TMTC4: variants seen among roughly 807,000 people sequenced by gnomAD.
TMTC4 encodes the protein protein O-mannosyl-transferase TMTC4.
Under a neutral mutation model 86.0 loss-of-function variants are expected in TMTC4, and 65 were observed. That is an observed-to-expected ratio of 0.76 (90% confidence interval 0.62 to 0.93). TMTC4 has a LOEUF of 0.93. Among genes scored for constraint, TMTC4 ranks in the 40% least tolerant of loss-of-function variants. TMTC4 has a pLI of 0.00. For missense variants in TMTC4, 866 were observed against 948.1 expected, an observed-to-expected ratio of 0.91 and a Z score of 1.14; for synonymous variants, 379 against 382.5, an observed-to-expected ratio of 0.99 and a Z score of 0.11.
chr13:100,661,210 C>T (rs561886705), intron 5 of TMTC4, among the ~76,000 whole-genome samples: 18 of 152,206 alleles, frequency 1.2e-4, no homozygotes, highest in African/African-American at 4.3e-4. Context: ...TCCTTTTAAC[C>T]ATCTGGAATG....
In TMTC4 at chr13:100,664,286, C is replaced by G. The variant is rs762152104; in HGVS notation, c.270G>C (p.Trp90Cys). 3.2e-5 allele frequency: 52 copies of G among 1,612,122 alleles called. No homozygotes were observed. Among genetic ancestry groups the G allele is most frequent in the Non-Finnish European group, 4.3e-5 (51 of 1,179,150 alleles). ...PLGDLWHHDF[W>C]GSRLSSNTSH... is the part of the protein sequence containing the mutation. ...TGGTGTTGCTGCTCAGTCTACTGCCCCAGAAGTCATGATGCCACAGGTCCC... is the reference window on the plus strand; with the variant it reads ...TGGTGTTGCTGCTCAGTCTACTGCCGCAGAAGTCATGATGCCACAGGTCCC... The change falls in exon 4 of 19, where the codon TGG becomes TGC. Residue 90 changes from tryptophan (W) to cysteine (C), a missense_variant. By Grantham distance (215) the Trp-to-Cys change is radical. Coordinates refer to ENST00000342624, the MANE Select transcript of TMTC4 (RefSeq NM_032813.5).
intron 18 of TMTC4, 85 bp downstream of exon 18, chr13:100,606,273 C>A: frequency 1.7e-6 from 2 of 1,186,052 alleles, no homozygotes; most frequent in Non-Finnish European, 2.5e-6. Context: ...AAAAACTACT[C>A]TCCCAACATT....
intron 12 of TMTC4, among the ~76,000 whole-genome samples, chr13:100,632,053 A>ACACCCTCTCTCTCTCTCT (rs1296569630): frequency 2.3e-5 from 1 of 43,110 alleles, no homozygotes; most frequent in African/African-American, 8.5e-5. Context: ...ACACACACAC[A>ACACCCTCTCTCTCTCTCT]CTCTCTCTCT....
Position 100,605,931 on chromosome 13 carries a change from G to A in TMTC4, c.2134+427C>T, listed in dbSNP as rs906384267. Among the ~76,000 whole-genome samples, 1 of 152,162 alleles carries A rather than the reference G, an allele frequency of 6.6e-6. No individual in the cohort carries two copies. The highest frequency in any genetic ancestry group is 1.5e-5 in the Non-Finnish European group (1 of 68,014). ...ATGCATTTTAGCCAAGGCATAAGAG[G>A]ATATAAAGCAGAAGACCAGGCTGGA... On this transcript the variant is annotated intron_variant, in intron 18 of 18. Coordinates refer to ENST00000342624, the MANE Select transcript of TMTC4 (RefSeq NM_032813.5). The surrounding 1 kb of genome is among the most constrained non-coding windows in gnomAD (Gnocchi z 4.3).
intron 1 of TMTC4, among the ~76,000 whole-genome samples, chr13:100,671,876 CAA>C (rs34651640): frequency 3.9e-3 from 424 of 109,430 alleles, no homozygotes; most frequent in Non-Finnish European, 4.5e-3. Flanking sequence ...CTAGCAAACG[CAA>C]AAAAAAAAAA....
At chr13:100,627,973 G>C (rs1045674652) in intron 12 of TMTC4, among the ~76,000 whole-genome samples, 2 of 152,124 alleles carry the variant, frequency 1.3e-5, no homozygotes, top group African/African-American at 4.8e-5. Context: ...AGAACAGTGA[G>C]GAAGCAAAAA....
chr13:100,672,788 G>A (rs934377496), intron 1 of TMTC4, among the ~76,000 whole-genome samples: 5 of 152,108 alleles, frequency 3.3e-5, no homozygotes, highest in Admixed American at 6.5e-5. Context: ...CACCGTGCCC[G>A]GCCTCCACCA....
At chr13:100,634,076 C>G (rs932272536) in intron 12 of TMTC4, among the ~76,000 whole-genome samples, 1 of 150,508 alleles carries the variant, frequency 6.6e-6, no homozygotes, top group Non-Finnish European at 1.5e-5. Context: ...GAGGTGGAGG[C>G]TGCAGTGAGC....
At chr13:100,654,935 A>G (rs1303066423) in intron 6 of TMTC4, among the ~76,000 whole-genome samples, 2 of 152,018 alleles carry the variant, frequency 1.3e-5, no homozygotes, top group Admixed American at 6.6e-5. Context: ...TTAAGGGAGG[A>G]TAAGTTAAAA....
intron 15 of TMTC4, among the ~76,000 whole-genome samples, chr13:100,616,683 T>G (rs1195499329): frequency 2.6e-5 from 4 of 152,200 alleles, no homozygotes; most frequent in African/African-American, 9.7e-5. Flanking sequence ...GTGACTCTTG[T>G]TTTTTCACTT....
intron 15 of TMTC4, among the ~76,000 whole-genome samples, chr13:100,618,739 G>T (rs564913142): frequency 3.4e-4 from 51 of 152,236 alleles, no homozygotes; most frequent in African/African-American, 1.2e-3. Context: ...AGCACATCTT[G>T]CACCGCCCTT....
intron 6 of TMTC4, among the ~76,000 whole-genome samples, chr13:100,645,064 G>A (rs901509247): frequency 6.6e-6 from 1 of 152,048 alleles, no homozygotes; most frequent in East Asian, 1.9e-4. Flanking sequence ...CACCCGCCTC[G>A]GCCTCCCAAA....
chr13:100,668,271 G>A, intron 3 of TMTC4: 1 of 226,728 alleles, frequency 4.4e-6, no homozygotes, highest in Non-Finnish European at 8.5e-6. Context: ...GGAATACTAA[G>A]TCTGCAACAC....
intron 15 of TMTC4, among the ~76,000 whole-genome samples, chr13:100,621,646 C>T (rs1374334631): frequency 2.0e-5 from 3 of 152,144 alleles, no homozygotes; most frequent in Middle Eastern, 3.2e-3. Context: ...AGGATGGTCT[C>T]GATCTCCTGA....
chr13:100,670,268 A>T, intron 2 of TMTC4, 92 bp downstream of exon 2: 1 of 1,479,704 alleles, frequency 6.8e-7, no homozygotes, highest in African/African-American at 1.4e-5. Flanking sequence ...ATAAGAAGCC[A>T]GCCAAATAGG....
At chr13:100,660,826 G>A (rs1885689109) in intron 5 of TMTC4, among the ~76,000 whole-genome samples, 1 of 152,034 alleles carries the variant, frequency 6.6e-6, no homozygotes, top group South Asian at 2.1e-4. Flanking sequence ...GCTCATTTTT[G>A]TATTTTTAGT....
Position 100,664,447 on chromosome 13 carries a change from G to A in TMTC4, c.220-111C>T, listed in dbSNP as rs1005168949. 8.9e-6 allele frequency: 6 copies of A among 670,450 alleles called. No homozygotes were observed. The East Asian group carries it at 9.1e-5, about 10-fold the overall frequency. The allele number at this position is 670,450 out of a possible 1,614,324, so 41.5% of individuals were successfully genotyped here. A position where few individuals can be genotyped will look rare whatever the true frequency, so the allele number is the denominator to read the frequency against. On this transcript the variant is annotated intron_variant, in intron 3 of 18. Transcript: ENST00000342624. Reference sequence around the variant, plus strand: ...TCAGGCCTCCTAGCGGGGATGCTGTGCCCAACATGTTCTCTATGTTGATAT... The same window carrying A: ...TCAGGCCTCCTAGCGGGGATGCTGTACCCAACATGTTCTCTATGTTGATAT...
At chr13:100,655,013 C>A (rs9518125) in intron 6 of TMTC4, among the ~76,000 whole-genome samples, 26,398 of 138,466 alleles carry the variant, frequency 0.19, 2,888 homozygotes, top group Admixed American at 0.27. Flanking sequence ...AGCCACAACG[C>A]CTATTTTTTT....
rs1594211324 is a variant in TMTC4, at chr13:100,604,965, C to G, written c.*29G>C. 6.2e-7 allele frequency: 1 copy of G among 1,608,648 alleles called. No homozygotes were observed. The highest frequency in any genetic ancestry group is 1.3e-5 in the African/African-American group (1 of 74,696). On this transcript the variant is annotated 3_prime_UTR_variant, in exon 19 of 19. Transcript: ENST00000342624. ...ATGATATGCCTCATGCACACACACA[C>G]TCAAACTCAAAACATGAAGGAAACA... is the stretch of plus-strand genomic sequence containing the variant.
Sources: allele counts gnomAD v4.1 joint callset (sites outside exome capture counted in the v4.1 genomes callset), GRCh38; gene constraint gnomAD v4.1.1; non-coding constraint Gnocchi (gnomAD v3.1); transcripts MANE v1.5; gene names NCBI Gene and HGNC (gene_info 2026-07-23, HGNC 2026-07-21).